The following PDE9A variants were observed in gnomAD, a reference collection of about 807,000 sequenced individuals.
PDE9A encodes high affinity cGMP-specific 3',5'-cyclic phosphodiesterase 9A.
A neutral mutation model predicts 87.4 loss-of-function variants in PDE9A; 60 were observed. The ratio of observed to expected loss-of-function variants is 0.69; its 90% CI spans 0.56 to 0.85. The LOEUF (loss-of-function observed/expected upper bound fraction) is 0.85, where lower values mean the gene tolerates loss of function less well. Ranked by LOEUF, PDE9A falls within the 40% of genes least tolerant of loss-of-function variation. The pLI is 0.00. For synonymous variants in PDE9A, 272 were observed against 279.4 expected (o/e 0.97, Z 0.27); for missense variants, 665 against 779.0 (o/e 0.85, Z 1.74).
At chr21:42,754,732 GT>G (rs1384604718) in intron 10 of PDE9A, among the ~76,000 whole-genome samples, 1 of 152,206 alleles carries the variant, frequency 6.6e-6, no homozygotes, top group Non-Finnish European at 1.5e-5. Context: ...GTGATAGTGA[GT>G]AAGTCTCACG....
intron 7 of PDE9A, among the ~76,000 whole-genome samples, chr21:42,737,902 T>G (rs901909761): frequency 6.6e-6 from 1 of 152,238 alleles, no homozygotes; most frequent in African/African-American, 2.4e-5. Flanking sequence ...AATATAAATT[T>G]CTTCATTTCT....
intron 1 of PDE9A, among the ~76,000 whole-genome samples, chr21:42,668,361 G>T (rs1201085574): frequency 6.6e-6 from 1 of 152,188 alleles, no homozygotes; most frequent in Non-Finnish European, 1.5e-5. Context: ...AAGTGAGCAT[G>T]AATTATTAAG....
intron 7 of PDE9A, among the ~76,000 whole-genome samples, chr21:42,735,935 C>T (rs1569220827): frequency 6.6e-6 from 1 of 152,188 alleles, no homozygotes; most frequent in Non-Finnish European, 1.5e-5. Flanking sequence ...GCAGGGAATT[C>T]TCCAAACTTG....
rs576541035 is a variant in PDE9A, at chr21:42,696,706, T to G, written c.219-2262T>G. On this transcript the variant is annotated intron_variant, in intron 3 of 19. Transcript: ENST00000291539. The surrounding 1 kb of genome is among the most constrained non-coding windows in gnomAD (Gnocchi z 5.1). ...TCCTAGGCAACCCTGGCACGGGTCC[T>G]CACTGGCCACACTGAGGCCATCAGC... Among the ~76,000 whole-genome samples, 13 of 152,308 alleles carry G rather than the reference T, an allele frequency of 8.5e-5. No individual in the cohort carries two copies. The South Asian group carries it at 2.3e-3, about 27-fold the overall frequency.
intron 7 of PDE9A, chr21:42,734,437 A>G (rs879744417): frequency 2.0e-5 from 3 of 152,274 alleles, no homozygotes; most frequent in Non-Finnish European, 4.4e-5. Context: ...TTTGTCAATG[A>G]CAAGGCAAAG....
chr21:42,747,182 C>T (rs998842869), intron 8 of PDE9A, among the ~76,000 whole-genome samples: 10 of 152,140 alleles, frequency 6.6e-5, no homozygotes, highest in African/African-American at 2.4e-4. Context: ...TCGTGTTGTC[C>T]CTTTTGTCTT....
chr21:42,665,508 T>C (rs984378300), intron 1 of PDE9A, among the ~76,000 whole-genome samples: 1 of 152,120 alleles, frequency 6.6e-6, no homozygotes, highest in African/African-American at 2.4e-5. Flanking sequence ...CCCTGTGATC[T>C]TGTCACCTGG....
At chr21:42,711,886 G>T (rs75320671) in intron 4 of PDE9A, among the ~76,000 whole-genome samples, 1 of 151,938 alleles carries the variant, frequency 6.6e-6, no homozygotes, top group Admixed American at 6.6e-5. Flanking sequence ...TGGGCCTCTC[G>T]CTGAACTCTG....
intron 18 of PDE9A, among the ~76,000 whole-genome samples, chr21:42,771,934 G>A (rs912186723): frequency 6.6e-6 from 1 of 152,198 alleles, no homozygotes; most frequent in Admixed American, 6.5e-5. Flanking sequence ...GACAGATGTA[G>A]CAAGAAGGCT....
intron 1 of PDE9A, among the ~76,000 whole-genome samples, chr21:42,657,460 C>T (rs1292729541): frequency 1.3e-5 from 2 of 152,242 alleles, no homozygotes; most frequent in African/African-American, 4.8e-5. Context: ...TGAAGCGCTT[C>T]GTCTTTCCCC....
At chr21:42,664,952 C>G (rs553526377) in intron 1 of PDE9A, among the ~76,000 whole-genome samples, 4 of 152,326 alleles carry the variant, frequency 2.6e-5, no homozygotes, top group Admixed American at 6.5e-5. Context: ...GTGAATGTCC[C>G]GTTAGTTGGA....
chr21:42,740,464 A>G (rs2146844134), intron 7 of PDE9A, among the ~76,000 whole-genome samples: 2 of 152,084 alleles, frequency 1.3e-5, no homozygotes, highest in East Asian at 1.9e-4. Context: ...AAAGAAAAGA[A>G]AAGAAAGATA....
chr21:42,685,591 C>T (rs1353301586), intron 1 of PDE9A, among the ~76,000 whole-genome samples: 6 of 151,602 alleles, frequency 4.0e-5, no homozygotes, highest in East Asian at 1.9e-4. Flanking sequence ...CTCAGCCTCC[C>T]GAGTAGCTGG....
At chr21:42,697,278 C>T (rs1394429837) in intron 3 of PDE9A, 1 of 637,338 alleles carries the variant, frequency 1.6e-6, no homozygotes, top group Non-Finnish European at 2.8e-6. Flanking sequence ...TTTATTTTTT[C>T]ACATTATTGG....
At chr21:42,681,631 C>T (rs1360204571) in intron 1 of PDE9A, among the ~76,000 whole-genome samples, 1 of 152,070 alleles carries the variant, frequency 6.6e-6, no homozygotes, top group African/African-American at 2.4e-5. Context: ...GTGGGGGAGC[C>T]GCCCTCTGTC....
In PDE9A at chr21:42,702,161, C is replaced by CT. The variant is rs1048947062; in HGVS notation, c.262+3157dup. ...TCACACTGTTTCTTTCTTTCCAGACCTTTTTTTCTGTTTGCTTTATTTTTC... is the reference window on the plus strand; with the variant it reads ...TCACACTGTTTCTTTCTTTCCAGACCTTTTTTTTCTGTTTGCTTTATTTTTC... On this transcript the variant is annotated intron_variant, in intron 4 of 19. Coordinates refer to ENST00000291539, the MANE Select transcript of PDE9A (RefSeq NM_002606.3). This position sits in a 1 kb window ranked among gnomAD's most constrained non-coding sequence, Gnocchi z 4.9. Among the ~76,000 whole-genome samples, 1 of 151,944 alleles carries CT rather than the reference C, an allele frequency of 6.6e-6. No individual in the cohort carries two copies. Among genetic ancestry groups the CT allele is most frequent in the African/African-American group, 2.4e-5 (1 of 41,390 alleles).
chr21:42,743,539 T>C (rs1475148137), intron 7 of PDE9A, among the ~76,000 whole-genome samples: 1 of 152,154 alleles, frequency 6.6e-6, no homozygotes, highest in Admixed American at 6.5e-5. Context: ...CCCGGATGGA[T>C]GCGGTAGTGC....
At chr21:42,663,024 TATC>T (rs2057696216) in intron 1 of PDE9A, among the ~76,000 whole-genome samples, 1 of 115,956 alleles carries the variant, frequency 8.6e-6, no homozygotes, top group Non-Finnish European at 1.8e-5. Context: ...CACACGCACA[TATC>T]ACACACATGC....
At chr21:42,712,685 C>T (rs374944080) in intron 4 of PDE9A, among the ~76,000 whole-genome samples, 5 of 152,230 alleles carry the variant, frequency 3.3e-5, no homozygotes, top group South Asian at 4.2e-4. Context: ...TGGAAGTCCC[C>T]GTCTAATGTT....
Sources: allele counts gnomAD v4.1 joint callset (sites outside exome capture counted in the v4.1 genomes callset), GRCh38; gene constraint gnomAD v4.1.1; non-coding constraint Gnocchi (gnomAD v3.1); transcripts MANE v1.5; gene names NCBI Gene and HGNC (gene_info 2026-07-23, HGNC 2026-07-21).